The following GINM1 variants were observed in gnomAD, a reference collection of about 807,000 sequenced individuals.
The protein encoded by GINM1 is glycoprotein integral membrane protein 1.
In GINM1, 29 loss-of-function variants were observed where a neutral mutation model predicts 37.8. The ratio of observed to expected loss-of-function variants is 0.77; its 90% CI spans 0.57 to 1.05. GINM1 has a LOEUF of 1.05. GINM1 is among the 50% of genes least tolerant of loss of function. The pLI, the probability that GINM1 is intolerant of heterozygous loss-of-function variation, is 0.00. For synonymous variants in GINM1, 143 were observed against 146.2 expected (o/e 0.98, Z 0.16); for missense variants, 377 against 397.9 (o/e 0.95, Z 0.45).
intron 5 of GINM1, 42 bp downstream of exon 5, chr6:149,580,032 T>G: frequency 1.6e-6 from 2 of 1,277,312 alleles, no homozygotes; most frequent in Non-Finnish European, 2.2e-6. Flanking sequence ...AGGAGATTAT[T>G]TATTTAGTTG....
At position 149,591,019 on chromosome 6, in the gene GINM1, G is replaced by T. The variant is rs1395776488; in HGVS notation, c.*181G>T. 3.8e-6 allele frequency: 2 copies of T among 523,118 alleles called. No individual in the cohort carries two copies. Among genetic ancestry groups the T allele is most frequent in the South Asian group, 2.4e-5 (1 of 41,442 alleles). The allele number at this position is 523,118 out of a possible 1,614,324, so 32.4% of individuals were successfully genotyped here. A position where few individuals can be genotyped will look rare whatever the true frequency, so the allele number is the denominator to read the frequency against. ...TAAAGTTTACCTTATTCTCGGCCGGGTGCAGTGGCTCATGCCTGTAATCCC... is the reference window on the plus strand; with the variant it reads ...TAAAGTTTACCTTATTCTCGGCCGGTTGCAGTGGCTCATGCCTGTAATCCC... On this transcript the variant is annotated 3_prime_UTR_variant, in exon 8 of 8. Transcript: ENST00000367419.
In GINM1 at chr6:149,580,812, A is replaced by G. The variant is rs542073661; in HGVS notation, c.717+89A>G. On this transcript the variant is annotated intron_variant, in intron 6 of 7. Transcript: ENST00000367419. ...CATTTAAAATGGAGTGGAAATCCTG[A>G]AGAATGGAACTGTAGAGCATTGGTG... 82 of 1,177,858 alleles carry G rather than the reference A, an allele frequency of 7.0e-5. 2 individuals carry two copies. The South Asian group carries it at 7.1e-4, about 10-fold the overall frequency. 73.0% of individuals were successfully genotyped at this position (1,177,858 alleles called of 1,614,324 possible). A position where few individuals can be genotyped will look rare whatever the true frequency, so the allele number is the denominator to read the frequency against.
chr6:149,569,633 C>A (rs542284148), intron 1 of GINM1, among the ~76,000 whole-genome samples: 1 of 152,070 alleles, frequency 6.6e-6, no homozygotes, highest in Non-Finnish European at 1.5e-5. Flanking sequence ...CCACCATGCC[C>A]GACCGAAAAA....
Position 149,582,718 on chromosome 6 carries a change from G to A in GINM1, c.881+115G>A, listed in dbSNP as rs576262895. The A allele has an allele frequency of 7.3e-5, 52 of 711,918 alleles. No homozygotes were observed. The African/African-American group carries it at 9.2e-4, about 13-fold the overall frequency. The allele number at this position is 711,918 out of a possible 1,614,324, so 44.1% of individuals were successfully genotyped here. A position where few individuals can be genotyped will look rare whatever the true frequency, so the allele number is the denominator to read the frequency against. Reference sequence around the variant, plus strand: ...ATTAGAAAGGGTAAGACAAATGGGAGGGAAAATAACACCTACTGTTTTTCT... The same window carrying A: ...ATTAGAAAGGGTAAGACAAATGGGAAGGAAAATAACACCTACTGTTTTTCT... On this transcript the variant is annotated intron_variant, in intron 7 of 7. Coordinates refer to ENST00000367419, the MANE Select transcript of GINM1 (RefSeq NM_138785.5).
chr6:149,574,945 A>C (rs1404327867), intron 3 of GINM1, among the ~76,000 whole-genome samples: 1 of 152,202 alleles, frequency 6.6e-6, no homozygotes, highest in African/African-American at 2.4e-5. Context: ...ACCTTAGAAC[A>C]CTTAAATTCC....
intron 7 of GINM1, among the ~76,000 whole-genome samples, chr6:149,585,445 G>C (rs1778055410): frequency 1.3e-5 from 2 of 151,968 alleles, no homozygotes; most frequent in Admixed American, 1.3e-4. Context: ...AACTCAGATT[G>C]TTAATTGTTC....
chr6:149,568,598 G>T (rs1262181148), intron 1 of GINM1, among the ~76,000 whole-genome samples: 1 of 152,208 alleles, frequency 6.6e-6, no homozygotes, highest in Non-Finnish European at 1.5e-5. Flanking sequence ...CAAGTGATTA[G>T]TGTGTACCAT....
At chr6:149,573,834 A>C (rs979070515) in intron 3 of GINM1, among the ~76,000 whole-genome samples, 1 of 151,948 alleles carries the variant, frequency 6.6e-6, no homozygotes, top group African/African-American at 2.4e-5. Flanking sequence ...CAAAAAAAAA[A>C]AAATGTGCAT....
rs775177928 is a variant in GINM1, at chr6:149,566,432, G to T, written c.18G>T (p.Pro6=). The T allele has an allele frequency of 1.3e-6, 2 of 1,571,660 alleles. No individual in the cohort carries two copies. The highest frequency in any genetic ancestry group is 2.4e-5 in the East Asian group (1 of 42,050). Residue 6 remains proline, a synonymous_variant, in exon 1 of 8, where the codon CCG becomes CCT. Coordinates refer to ENST00000367419, the MANE Select transcript of GINM1 (RefSeq NM_138785.5). This position sits in a 1 kb window ranked among gnomAD's most constrained non-coding sequence, Gnocchi z 4.4. ...TGTCCAAGATGGAGGGCGCTCCACC[G>T]GGGTCGCTCGCCCTCCGGCTCCTGC... MEGAP[P]GSLALRLLLF...
chr6:149,574,579 A>G (rs752229866), intron 3 of GINM1, among the ~76,000 whole-genome samples: 1 of 151,882 alleles, frequency 6.6e-6, no homozygotes, highest in Non-Finnish European at 1.5e-5. Flanking sequence ...TTTAGTGGTT[A>G]CCCTTGCTAT....
At chr6:149,576,764 A>G (rs924032398) in intron 3 of GINM1, among the ~76,000 whole-genome samples, 4 of 152,236 alleles carry the variant, frequency 2.6e-5, no homozygotes, top group Admixed American at 6.5e-5. Context: ...AAGGAAGTCA[A>G]TATGAAGGGC....
chr6:149,585,997 CTCAT>C (rs1356270457), intron 7 of GINM1, among the ~76,000 whole-genome samples: 1 of 152,198 alleles, frequency 6.6e-6, no homozygotes. Flanking sequence ...AATTGGCATC[CTCAT>C]TTCTTGTTCA....
intron 1 of GINM1, among the ~76,000 whole-genome samples, chr6:149,571,848 C>T (rs1444879025): frequency 6.6e-6 from 1 of 151,778 alleles, no homozygotes; most frequent in Non-Finnish European, 1.5e-5. Context: ...TTTGGGAGGC[C>T]GAGGAGGGCG....
chr6:149,580,517 C>A, intron 5 of GINM1, 76 bp from the exon 6 acceptor site: 2 of 1,285,852 alleles, frequency 1.6e-6, no homozygotes, highest in Non-Finnish European at 2.2e-6. Context: ...ATCCTAAATG[C>A]TATTGGTATC....
chr6:149,578,595 A>G (rs1433410247), intron 3 of GINM1, among the ~76,000 whole-genome samples: 2 of 151,996 alleles, frequency 1.3e-5, no homozygotes, highest in Non-Finnish European at 2.9e-5. Flanking sequence ...AAGTCTAAAG[A>G]TCAACACATT....
rs185173420 is a variant in GINM1 at position 149,579,412 on chromosome 6, T to C, written c.430-422T>C. 3.7e-3 allele frequency among the ~76,000 whole-genome samples: 566 copies of C among 152,306 alleles called. 2 individuals carry two copies. Among genetic ancestry groups the C allele is most frequent in the South Asian group, 0.01 (50 of 4,830 alleles). ...GGGGAAATAAATAGTAATTGTTAGC[T>C]GGGCATGGTGGCTCACACCTGTAAT... On this transcript the variant is annotated intron_variant, in intron 4 of 7. Coordinates refer to ENST00000367419, the MANE Select transcript of GINM1 (RefSeq NM_138785.5).
intron 3 of GINM1, among the ~76,000 whole-genome samples, chr6:149,577,168 A>G (rs1777926018): frequency 6.6e-6 from 1 of 152,184 alleles, no homozygotes; most frequent in African/African-American, 2.4e-5. Flanking sequence ...CATCCAAACT[A>G]TATCAGGTAC....
intron 1 of GINM1, among the ~76,000 whole-genome samples, chr6:149,571,787 A>G (rs1160045700): frequency 6.6e-6 from 1 of 152,130 alleles, no homozygotes; most frequent in African/African-American, 2.4e-5. Flanking sequence ...AAAAGTATAT[A>G]TTATAAAAAA....
chr6:149,580,027 A>T (rs965470501), intron 5 of GINM1, 37 bp downstream of exon 5: 2 of 1,317,990 alleles, frequency 1.5e-6, no homozygotes, highest in African/African-American at 3.0e-5. Context: ...TATTAAGGAG[A>T]TTATTTATTT....
Sources: allele counts gnomAD v4.1 joint callset (sites outside exome capture counted in the v4.1 genomes callset), GRCh38; gene constraint gnomAD v4.1.1; non-coding constraint Gnocchi (gnomAD v3.1); transcripts MANE v1.5; gene names NCBI Gene and HGNC (gene_info 2026-07-23, HGNC 2026-07-21).